The following MLLT10 variants were observed in gnomAD, a reference collection of about 807,000 sequenced individuals.
MLLT10 encodes protein AF-10.
Under a neutral mutation model 129.1 loss-of-function variants are expected in MLLT10, and 30 were observed. That is an observed-to-expected ratio of 0.23 (90% CI 0.17 to 0.32). The LOEUF (loss-of-function observed/expected upper bound fraction) is 0.32, where lower values mean the gene tolerates loss of function less well. Ranked by LOEUF, MLLT10 falls within the 10% of genes least tolerant of loss-of-function variation. MLLT10 has a pLI of 1.00. For synonymous variants in MLLT10, 490 were observed against 446.4 expected, an observed-to-expected ratio of 1.10 and a Z score of -1.23; for missense variants, 1,119 against 1,268.3, an observed-to-expected ratio of 0.88 and a Z score of 1.79.
At chr10:21,550,981 C>G (rs999140226) in intron 3 of MLLT10, among the ~76,000 whole-genome samples, 1 of 148,296 alleles carries the variant, frequency 6.7e-6, no homozygotes, top group African/African-American at 2.5e-5. Context: ...TGCAGTGGTA[C>G]GATCTTAGCT....
Position 21,549,659 on chromosome 10 carries a change from C to CTTT in MLLT10, c.240+10765_240+10767dup, listed in dbSNP as rs11374255. Among the ~76,000 whole-genome samples, 43 of 121,934 alleles carry CTTT rather than the reference C, an allele frequency of 3.5e-4. 1 individual carries two copies. The highest frequency in any genetic ancestry group is 4.4e-4 in the Non-Finnish European group (26 of 59,084). 80.0% of individuals were successfully genotyped at this position (121,934 alleles called of 152,430 possible). On this transcript the variant is annotated intron_variant, in intron 3 of 22. Transcript: ENST00000307729. Reference sequence around the variant, plus strand: ...TGTGGTCCTCTAACTGAGTTGTACTCTTTTTTTTTTTTTTTTTTTTGAGAG... The same window carrying CTTT: ...TGTGGTCCTCTAACTGAGTTGTACTCTTTTTTTTTTTTTTTTTTTTTTTGAGAG...
chr10:21,731,366 G>A (rs1201360296), intron 17 of MLLT10, among the ~76,000 whole-genome samples: 1 of 151,526 alleles, frequency 6.6e-6, no homozygotes, highest in Admixed American at 6.6e-5. Flanking sequence ...TTATTGTGAG[G>A]ATTAAATGAC....
At chr10:21,595,568 A>G in intron 5 of MLLT10, 128 bp downstream of exon 5, 2 of 630,122 alleles carry the variant, frequency 3.2e-6, no homozygotes, top group Non-Finnish European at 5.4e-6. Context: ...TTACTACTCC[A>G]AACTGCAGTT....
chr10:21,538,007 CT>C (rs35201972), intron 2 of MLLT10, among the ~76,000 whole-genome samples: 92 of 144,394 alleles, frequency 6.4e-4, no homozygotes, highest in Middle Eastern at 3.7e-3. Context: ...ATAAACATAC[CT>C]TTTTTTTTTT....
chr10:21,552,067 T>TA (rs1303647401), intron 3 of MLLT10: 13 of 236,162 alleles, frequency 5.5e-5, no homozygotes. Context: ...GCTGGAACTA[T>TA]AGGTACACAC....
At chr10:21,621,706 C>G (rs1378787335) in intron 8 of MLLT10, among the ~76,000 whole-genome samples, 1 of 151,514 alleles carries the variant, frequency 6.6e-6, no homozygotes, top group East Asian at 2.0e-4. Flanking sequence ...GCCTCCCATG[C>G]ACTGCCCATG....
intron 8 of MLLT10, among the ~76,000 whole-genome samples, chr10:21,644,617 C>T (rs185991908): frequency 9.2e-5 from 14 of 152,062 alleles, no homozygotes; most frequent in Admixed American, 8.5e-4. Flanking sequence ...ATGGGGAATA[C>T]CCTAGGATTC....
chr10:21,702,150 C>T lies in MLLT10; in HGVS notation c.1700-11622C>T, dbSNP rs139913038. Among the ~76,000 whole-genome samples, 670 of 152,034 alleles carry T rather than the reference C, an allele frequency of 4.4e-3. 5 individuals carry two copies. The highest frequency in any genetic ancestry group is 0.015 in the African/African-American group (637 of 41,442). On this transcript the variant is annotated intron_variant, in intron 13 of 22. Coordinates refer to ENST00000307729, the MANE Select transcript of MLLT10 (RefSeq NM_001195626.3). ...CCATGTTGGCCAGGATGATCTCAAT[C>T]TCTTGACCTTGTGATCCGCCCACCT...
At chr10:21,624,446 A>ATG in intron 8 of MLLT10, 2 of 511,596 alleles carry the variant, frequency 3.9e-6, no homozygotes, top group Non-Finnish European at 6.9e-6. Context: ...CTGAGTATAT[A>ATG]CACAATAGTG....
At chr10:21,705,526 A>G (rs1000300814) in intron 13 of MLLT10, among the ~76,000 whole-genome samples, 1 of 152,144 alleles carries the variant, frequency 6.6e-6, no homozygotes, top group Non-Finnish European at 1.5e-5. Flanking sequence ...AGCATTGGTC[A>G]CACCGTTGCC....
intron 16 of MLLT10, among the ~76,000 whole-genome samples, chr10:21,730,112 C>G (rs569185243): frequency 6.6e-6 from 1 of 151,332 alleles, no homozygotes; most frequent in African/African-American, 2.4e-5. Flanking sequence ...CCCTGCCCAA[C>G]CTCCCCCACC....
chr10:21,722,159 AC>A (rs1212031581), intron 14 of MLLT10, among the ~76,000 whole-genome samples: 1 of 152,208 alleles, frequency 6.6e-6, no homozygotes, highest in Non-Finnish European at 1.5e-5. Context: ...TAGAAAAGTT[AC>A]AAGGACAGTA....
Position 21,742,129 on chromosome 10 carries a change from G to A in MLLT10, c.*146G>A, listed in dbSNP as rs917140393. 1.4e-5 allele frequency: 10 copies of A among 691,568 alleles called. No individual in the cohort carries two copies. The Admixed American group carries it at 1.5e-4, about 10-fold the overall frequency. The allele number at this position is 691,568 out of a possible 1,614,324, so 42.8% of individuals were successfully genotyped here. On this transcript the variant is annotated 3_prime_UTR_variant, in exon 23 of 23. Coordinates refer to ENST00000307729, the MANE Select transcript of MLLT10 (RefSeq NM_001195626.3). The stretch of plus-strand genomic sequence containing the variant: ...GATTAATTGCTGCAAGGACATTCTT[G>A]TAAGGCTTTGATTAGTTTTCTTGTT...
intron 3 of MLLT10, among the ~76,000 whole-genome samples, chr10:21,577,267 T>C (rs185305094): frequency 1.0e-3 from 157 of 152,338 alleles, no homozygotes; most frequent in African/African-American, 3.5e-3. Flanking sequence ...CATTCATTAA[T>C]TGATAGACAT....
chr10:21,624,773 T>C, intron 8 of MLLT10: 1 of 1,113,126 alleles, frequency 9.0e-7, no homozygotes, highest in South Asian at 1.4e-5. Context: ...ATCTGCCTTC[T>C]CTTGCGTCCT....
chr10:21,614,739 G>A (rs2045057985), intron 6 of MLLT10, 92 bp from the exon 7 acceptor site: 2 of 923,264 alleles, frequency 2.2e-6, no homozygotes, highest in Non-Finnish European at 3.2e-6. Context: ...TTTTCTCAGA[G>A]CATGAATGAT....
In MLLT10 at chr10:21,595,476, C is replaced by T. The variant is rs769241182; in HGVS notation, c.405+36C>T. ...TATTATTTTATTACTGTTTGAATAT[C>T]ACTACTGGGAAGTAGAAAGGAAGTT... On this transcript the variant is annotated intron_variant, in intron 5 of 22. Transcript: ENST00000307729. 8 of 1,504,430 alleles carry T rather than the reference C, an allele frequency of 5.3e-6. No homozygotes were observed. The South Asian group carries it at 5.8e-5, about 11-fold the overall frequency. The allele number at this position is 1,504,430 out of a possible 1,614,324, so 93.2% of individuals were successfully genotyped here. A position where few individuals can be genotyped will look rare whatever the true frequency, so the allele number is the denominator to read the frequency against.
At chr10:21,643,136 G>A (rs930880445) in intron 8 of MLLT10, among the ~76,000 whole-genome samples, 10 of 152,060 alleles carry the variant, frequency 6.6e-5, no homozygotes, top group African/African-American at 2.2e-4. Flanking sequence ...CAGTTCAAGC[G>A]ATTCTCCTGC....
intron 13 of MLLT10, among the ~76,000 whole-genome samples, chr10:21,688,890 T>A (rs1197411861): frequency 6.6e-6 from 1 of 152,122 alleles, no homozygotes; most frequent in Non-Finnish European, 1.5e-5. Flanking sequence ...GAGAACATAT[T>A]TCATGTTTTA....
Sources: allele counts gnomAD v4.1 joint callset (sites outside exome capture counted in the v4.1 genomes callset), GRCh38; gene constraint gnomAD v4.1.1; transcripts MANE v1.5; gene names NCBI Gene and HGNC (gene_info 2026-07-23, HGNC 2026-07-21).